The following KLC4 variants were observed in gnomAD, a reference collection of about 807,000 sequenced individuals.
KLC4 encodes kinesin light chain 4, also known as kinesin-like protein 8.
A neutral mutation model predicts 77.2 loss-of-function variants in KLC4; 49 were observed. The observed-to-expected ratio is 0.63, with a 90% CI of 0.50 to 0.80. The LOEUF (loss-of-function observed/expected upper bound fraction) is 0.80, where lower values mean the gene tolerates loss of function less well. KLC4 is among the 30% of genes least tolerant of loss of function. The pLI is 0.00. For missense variants in KLC4, 669 were observed against 793.5 expected, an observed-to-expected ratio of 0.84 and a Z score of 1.89; for synonymous variants, 274 against 314.5, an observed-to-expected ratio of 0.87 and a Z score of 1.36.
intron 6 of KLC4, among the ~76,000 whole-genome samples, chr6:43,069,679 T>A (rs908490811): frequency 2.0e-5 from 3 of 151,980 alleles, no homozygotes; most frequent in African/African-American, 7.3e-5. Flanking sequence ...GCCTCCCGAG[T>A]AGCTGGGATT....
Position 43,061,579 on chromosome 6 carries a change from C to T in KLC4, c.244C>T (p.Leu82=). 1.2e-6 allele frequency: 2 copies of T among 1,610,292 alleles called. No individual in the cohort carries two copies. Among genetic ancestry groups the T allele is most frequent in the Non-Finnish European group, 1.7e-6 (2 of 1,177,228 alleles). Residue 82 remains leucine (L), a synonymous_variant, in exon 2 of 16, where the codon CTG becomes TTG. Transcript: ENST00000347162. The part of the protein sequence containing the change: ...RRSMENIELG[L]SEAQVMLALA... ...TTCTATGGAAAACATTGAGCTCGGG[C>T]TGAGTGAGGCCCAGGTGAGAGGGCA...
intron 15 of KLC4, chr6:43,074,382 A>G (rs1765874704): frequency 5.5e-6 from 3 of 548,160 alleles, no homozygotes; most frequent in Non-Finnish European, 6.5e-6. Flanking sequence ...TTGTATCAAC[A>G]CACAAGTATA....
Position 43,062,944 on chromosome 6 carries a change from A to G in KLC4, c.286A>G (p.Ser96Gly), listed in dbSNP as rs150453267. The G allele has an allele frequency of 1.9e-6, 3 of 1,614,058 alleles. No homozygotes were observed. Among genetic ancestry groups the G allele is most frequent in the African/African-American group, 2.7e-5 (2 of 74,924 alleles). Residue 96 changes from serine (S) to glycine (G), a missense_variant, in exon 3 of 16, where the codon AGC becomes GGC. By Grantham distance (56) the Ser-to-Gly change is moderately conservative (BLOSUM62 0). Coordinates refer to ENST00000347162, the MANE Select transcript of KLC4 (RefSeq NM_201521.3). ...GATGCTGGCTCTAGCCAGCCACCTG[A>G]GCACAGTGGAGTCGGAGAAACAGAA... is the stretch of plus-strand genomic sequence containing the variant. Reference protein sequence around the residue: ...QVMLALASHLSTVESEKQKLR... With the variant: ...QVMLALASHLGTVESEKQKLR...
At chr6:43,066,225 C>A in intron 4 of KLC4, 81 bp from the exon 5 acceptor site, 1 of 1,198,858 alleles carries the variant, frequency 8.3e-7, no homozygotes, top group Non-Finnish European at 1.2e-6. Flanking sequence ...AAGTATGGAA[C>A]AAGACATGCA....
In KLC4 at chr6:43,074,779, G is replaced by T; in HGVS notation, c.*107G>T. ...CCACCCCTAGGTGGGACAGTGAAGG[G>T]GAGCAGTTTAACCAGAAGATTGCTG... On this transcript the variant is annotated 3_prime_UTR_variant, in exon 16 of 16. Transcript: ENST00000347162. The T allele has an allele frequency of 1.1e-6, 1 of 923,878 alleles. No individual in the cohort carries two copies. Among genetic ancestry groups the T allele is most frequent in the Middle Eastern group, 2.1e-4 (1 of 4,680 alleles). 57.2% of individuals were successfully genotyped at this position (923,878 alleles called of 1,614,324 possible).
intron 1 of KLC4, chr6:43,061,026 T>G: frequency 2.5e-6 from 1 of 392,400 alleles, no homozygotes; most frequent in Non-Finnish European, 4.6e-6. Flanking sequence ...GCTTTTTTGT[T>G]CTTTTCCTAA....
intron 6 of KLC4, among the ~76,000 whole-genome samples, chr6:43,068,019 G>C (rs1245320828): frequency 9.6e-6 from 1 of 103,824 alleles, no homozygotes; most frequent in African/African-American, 5.8e-5. Context: ...GGCTGAGGCA[G>C]GAGAATGGCG....
intron 3 of KLC4, chr6:43,065,368 C>G: frequency 2.5e-6 from 1 of 400,172 alleles, no homozygotes; most frequent in East Asian, 4.5e-5. Flanking sequence ...GCCACCACAC[C>G]CGGCCAGGAA....
chr6:43,072,250 A>G lies in KLC4; in HGVS notation c.1483A>G (p.Arg495Gly), dbSNP rs1334522148. The stretch of plus-strand genomic sequence containing the variant: ...GGAGGAATGTGCCCTGCGGTCCCGG[A>G]GACAGGTCAGAAGCCCAGAGGGGAA... The part of the protein sequence containing the change: ...TLEECALRSR[R>G]QGTDPISQTK... Residue 495 changes from arginine to glycine, a missense_variant, in exon 12 of 16, where the codon AGA (arginine) becomes GGA (glycine). By Grantham distance (125) the Arg-to-Gly change is moderately radical. Coordinates refer to ENST00000347162, the MANE Select transcript of KLC4 (RefSeq NM_201521.3). 8 of 1,612,822 alleles carry G rather than the reference A, an allele frequency of 5.0e-6. No homozygotes were observed. The highest frequency in any genetic ancestry group is 1.3e-5 in the African/African-American group (1 of 74,908).
At chr6:43,060,346 G>A in intron 1 of KLC4, 1 of 1,594,412 alleles carries the variant, frequency 6.3e-7, no homozygotes, top group Non-Finnish European at 8.6e-7. Context: ...GGCCTGCAAT[G>A]AGGGAGGCTG....
In KLC4 at chr6:43,072,240, G is replaced by GGAGGAA. The variant is rs1765769901; in HGVS notation, c.1473_1474insGAGGAA (p.Leu491_Arg492insGluGlu). The GGAGGAA allele has an allele frequency of 6.2e-7, 1 of 1,613,952 alleles. No homozygotes were observed. The highest frequency in any genetic ancestry group is 1.7e-4 in the Middle Eastern group (1 of 6,060). On this transcript the variant is annotated inframe_insertion, in exon 12 of 16. Coordinates refer to ENST00000347162, the MANE Select transcript of KLC4 (RefSeq NM_201521.3). The stretch of plus-strand genomic sequence containing the variant: ...CTGAGACCCTGGAGGAATGTGCCCT[G>GGAGGAA]CGGTCCCGGAGACAGGTCAGAAGCC...
chr6:43,062,232 C>T (rs1325533691), intron 2 of KLC4, among the ~76,000 whole-genome samples: 1 of 152,162 alleles, frequency 6.6e-6, no homozygotes, highest in South Asian at 2.1e-4. Flanking sequence ...ACTTGTAGGC[C>T]ACCCCGAGGA....
In KLC4 at chr6:43,067,930, G is replaced by A. The variant is rs541264497; in HGVS notation, c.879+847G>A. ...GATCGAGACCATCCTGGCTAAAACG[G>A]TGAAACCCCGTCTCTACTAAAAATA... On this transcript the variant is annotated intron_variant, in intron 6 of 15. Coordinates refer to ENST00000347162, the MANE Select transcript of KLC4 (RefSeq NM_201521.3). 3.0e-4 allele frequency among the ~76,000 whole-genome samples: 35 copies of A among 117,160 alleles called. 3 individuals are homozygous for A. Among genetic ancestry groups the A allele is most frequent in the Non-Finnish European group, 5.3e-4 (33 of 61,930 alleles). The allele number at this position is 117,160 out of a possible 152,430, so 76.9% of individuals were successfully genotyped here. A position where few individuals can be genotyped will look rare whatever the true frequency, so the allele number is the denominator to read the frequency against.
chr6:43,062,857 T>G lies in KLC4; in HGVS notation c.259-60T>G, dbSNP rs768017446. The G allele has an allele frequency of 6.9e-5, 100 of 1,447,230 alleles. 1 individual carries two copies. The highest frequency in any genetic ancestry group is 9.1e-5 in the Non-Finnish European group (94 of 1,031,616). The allele number at this position is 1,447,230 out of a possible 1,614,324, so 89.6% of individuals were successfully genotyped here. A position where few individuals can be genotyped will look rare whatever the true frequency, so the allele number is the denominator to read the frequency against. ...TTGCCACGTCCCAGTAGGCTCCCCT[T>G]CCACCTGTTCCTGAATACTCCCACC... On this transcript the variant is annotated intron_variant, in intron 2 of 15. Transcript: ENST00000347162.
Position 43,066,424 on chromosome 6 carries a change from C to T in KLC4, c.690C>T (p.Ala230=), listed in dbSNP as rs755705281. The change falls in exon 5 of 16, where the codon GCC becomes GCT. Residue 230 remains alanine, a synonymous_variant. Transcript: ENST00000347162. ...QYAAQGRYEV[A]VPLCKQALED... ...CAGCCCAAGGTCGCTATGAGGTGGC[C>T]GTGCCACTCTGTAAGCAGGCACTAG... 57 of 1,614,006 alleles carry T rather than the reference C, an allele frequency of 3.5e-5. No individual in the cohort carries two copies. The highest frequency in any genetic ancestry group is 1.9e-4 in the African/African-American group (14 of 74,898).
intron 4 of KLC4, 132 bp downstream of exon 4, chr6:43,065,833 G>T: frequency 1.5e-6 from 1 of 650,600 alleles, no homozygotes; most frequent in Admixed American, 2.8e-5. Context: ...CAGGGCAGGG[G>T]CTGGGCTAGT....
At chr6:43,067,645 A>T (rs1765505097) in intron 6 of KLC4, among the ~76,000 whole-genome samples, 1 of 150,098 alleles carries the variant, frequency 6.7e-6, no homozygotes, top group Non-Finnish European at 1.5e-5. Flanking sequence ...AAAATACAAA[A>T]AATGCCGGGC....
chr6:43,072,721 G>T, intron 12 of KLC4, 103 bp from the exon 13 acceptor site: 1 of 1,141,952 alleles, frequency 8.8e-7, no homozygotes, highest in South Asian at 1.5e-5. Flanking sequence ...ACATCACAAG[G>T]AAAAATGTTT....
In KLC4 at chr6:43,060,216, G is replaced by A. The variant is rs771706422; in HGVS notation, c.-26+531G>A. The A allele has an allele frequency of 1.9e-6, 3 of 1,614,204 alleles. No homozygotes were observed. The South Asian group carries it at 3.3e-5, about 18-fold the overall frequency. ...CCGTGACAGAGACAAAACCATGGAA[G>A]TGACTGGGTTTGGAGTGACCAGGTG... is the stretch of plus-strand genomic sequence containing the variant. On this transcript the variant is annotated intron_variant, in intron 1 of 15. Coordinates refer to ENST00000347162, the MANE Select transcript of KLC4 (RefSeq NM_201521.3).
Sources: allele counts gnomAD v4.1 joint callset (sites outside exome capture counted in the v4.1 genomes callset), GRCh38; gene constraint gnomAD v4.1.1; transcripts MANE v1.5; gene names NCBI Gene and HGNC (gene_info 2026-07-23, HGNC 2026-07-21).